The following PCLO variants were observed in gnomAD, a reference collection of about 807,000 sequenced individuals.
The protein encoded by PCLO is piccolo presynaptic cytomatrix protein.
A neutral mutation model predicts 427.5 loss-of-function variants in PCLO; 82 were observed. The ratio of observed to expected loss-of-function variants is 0.19; its 90% CI spans 0.16 to 0.23. The LOEUF (loss-of-function observed/expected upper bound fraction) is 0.23, where lower values mean the gene tolerates loss of function less well. PCLO is among the 10% of genes least tolerant of loss of function. The pLI, the probability that PCLO is intolerant of heterozygous loss-of-function variation, is 1.00. For missense variants in PCLO, 6,239 were observed against 6,115.9 expected (o/e 1.02, Z -0.67); for synonymous variants, 2,357 against 2,155.4 (o/e 1.09, Z -2.59).
In PCLO at chr7:83,155,570, C is replaced by A. The variant is rs759255403; in HGVS notation, c.1071G>T (p.Gly357=). 7.0e-5 allele frequency: 98 copies of A among 1,409,176 alleles called. No homozygotes were observed. The highest frequency in any genetic ancestry group is 2.0e-4 in the Middle Eastern group (1 of 5,042). The allele number at this position is 1,409,176 out of a possible 1,614,324, so 87.3% of individuals were successfully genotyped here. ...GAGGCTGAGCTGGAGGCTTTGTTGTCCCTGGTGGCTGGACTGGGGGTTTCA... is the reference window on the plus strand; with the variant it reads ...GAGGCTGAGCTGGAGGCTTTGTTGTACCTGGTGGCTGGACTGGGGGTTTCA... ...GTVKPPVQPP[G]TTKPPAQPLG... is the part of the protein sequence containing the mutation. The change falls in exon 2 of 25, where the codon GGG becomes GGT. Residue 357 remains glycine, a synonymous_variant. Coordinates refer to ENST00000333891, the MANE Select transcript of PCLO (RefSeq NM_033026.6).
intron 3 of PCLO, among the ~76,000 whole-genome samples, chr7:83,060,469 G>A (rs1476053697): frequency 6.6e-6 from 1 of 152,148 alleles, no homozygotes; most frequent in African/African-American, 2.4e-5. Context: ...TGCTCATAGG[G>A]CTGTCCCTCT....
intron 9 of PCLO, among the ~76,000 whole-genome samples, chr7:82,901,429 A>T (rs903071700): frequency 1.3e-5 from 2 of 152,022 alleles, no homozygotes; most frequent in African/African-American, 4.8e-5. Flanking sequence ...TTAATTCAAG[A>T]TGGATTAAAG....
intron 1 of PCLO, among the ~76,000 whole-genome samples, chr7:83,160,590 G>T (rs1258981682): frequency 6.6e-6 from 1 of 151,986 alleles, no homozygotes; most frequent in Admixed American, 6.6e-5. Context: ...CACCAATACT[G>T]TTTGGGCCAT....
chr7:83,084,527 G>A (rs1224871869), intron 3 of PCLO, among the ~76,000 whole-genome samples: 1 of 152,066 alleles, frequency 6.6e-6, no homozygotes, highest in Admixed American at 6.6e-5. Flanking sequence ...ATAATTAAAG[G>A]CTAGATTCTA....
intron 2 of PCLO, 150 bp downstream of exon 2, chr7:83,154,598 T>A (rs1792218866): frequency 1.5e-6 from 1 of 646,400 alleles, no homozygotes; most frequent in Non-Finnish European, 2.6e-6. Flanking sequence ...TAAAAAAAAA[T>A]TACAACTGGC....
At position 82,931,446 on chromosome 7, in the gene PCLO, C is replaced by T. The variant is rs189521300; in HGVS notation, c.11113-14573G>A. Among the ~76,000 whole-genome samples, 324 of 152,180 alleles carry T rather than the reference C, an allele frequency of 2.1e-3. 3 individuals carry two copies. The highest frequency in any genetic ancestry group is 7.6e-3 in the African/African-American group (316 of 41,536). On this transcript the variant is annotated intron_variant, in intron 6 of 24. Coordinates refer to ENST00000333891, the MANE Select transcript of PCLO (RefSeq NM_033026.6). ...ATTTTCTGTGGGTCAGCAATCTGGG[C>T]ATGGTTTAGTTGTGTCCTCTTGCTC... is the stretch of plus-strand genomic sequence containing the variant.
rs1790867308 is a variant in PCLO, at chr7:82,781,318, C to T, written c.15008-19825G>A. The stretch of plus-strand genomic sequence containing the variant: ...TATTTCTTCTAAAAATAACCAACAA[C>T]CCCCTCCAGCCCCCCAAAAAAACCC... On this transcript the variant is annotated intron_variant, in intron 22 of 24. Coordinates refer to ENST00000333891, the MANE Select transcript of PCLO (RefSeq NM_033026.6). Among the ~76,000 whole-genome samples the T allele has an allele frequency of 2.0e-5, 3 of 151,674 alleles. No homozygotes were observed. In the South Asian group the frequency reaches 6.3e-4, roughly 32 times the overall value.
chr7:82,926,223 T>C (rs574181450), intron 6 of PCLO, among the ~76,000 whole-genome samples: 1 of 152,306 alleles, frequency 6.6e-6, no homozygotes, highest in Admixed American at 6.5e-5. Context: ...AATAGTTTAA[T>C]AATTGTTTCT....
At chr7:82,775,473 T>G (rs1250921874) in intron 22 of PCLO, among the ~76,000 whole-genome samples, 1 of 152,190 alleles carries the variant, frequency 6.6e-6, no homozygotes, top group East Asian at 1.9e-4. Context: ...TAATTTGCAT[T>G]TCCTTGATGG....
At chr7:83,020,765 T>C (rs1267594651) in intron 3 of PCLO, among the ~76,000 whole-genome samples, 1 of 152,068 alleles carries the variant, frequency 6.6e-6, no homozygotes, top group African/African-American at 2.4e-5. Context: ...AGTGAAGTGG[T>C]CCCTATAAAT....
In PCLO at chr7:82,827,947, T is replaced by C; in HGVS notation, c.14269A>G (p.Thr4757Ala). 1 of 1,598,650 alleles carries C rather than the reference T, an allele frequency of 6.3e-7. No individual in the cohort carries two copies. The highest frequency in any genetic ancestry group is 8.6e-7 in the Non-Finnish European group (1 of 1,167,254). Residue 4757 changes from threonine to alanine, a missense_variant, in exon 17 of 25, where the codon ACT becomes GCT. Coordinates refer to ENST00000333891, the MANE Select transcript of PCLO (RefSeq NM_033026.6). ...TTAAGACTTTTCTGGACATGTTTAG[T>C]CCTTCTCTTGTACTCAGCACTGAAT... is the stretch of plus-strand genomic sequence containing the variant. ...QNASAEYKRR[T>A]KHVQKSLNPE...
At chr7:82,885,787 T>C (rs1175997592) in intron 9 of PCLO, among the ~76,000 whole-genome samples, 3 of 140,526 alleles carry the variant, frequency 2.1e-5, no homozygotes, top group African/African-American at 8.8e-5. Flanking sequence ...AAAGAGCAAA[T>C]GGAAAAAAAA....
intron 3 of PCLO, among the ~76,000 whole-genome samples, chr7:83,094,865 GATA>G (rs758728795): frequency 5.3e-5 from 8 of 152,084 alleles, no homozygotes; most frequent in Non-Finnish European, 1.5e-5. Context: ...AATTCTATCT[GATA>G]ATATTTCTAA....
At chr7:83,078,519 C>CATTATTATTATTATTATTATTATT (rs143405758) in intron 3 of PCLO, among the ~76,000 whole-genome samples, 4,057 of 150,318 alleles carry the variant, frequency 0.027, 172 homozygotes, top group African/African-American at 0.091. Context: ...ATGTTGCTAG[C>CATTATTATTATTATTATTATTATT]ATTATTATTA....
chr7:82,767,781 G>A (rs1021770725), intron 22 of PCLO, among the ~76,000 whole-genome samples: 6 of 152,108 alleles, frequency 3.9e-5, no homozygotes, highest in Admixed American at 6.5e-5. Context: ...AAATATTGAT[G>A]AGTTGATACA....
At chr7:82,889,349 T>C (rs1464172574) in intron 9 of PCLO, among the ~76,000 whole-genome samples, 2 of 152,080 alleles carry the variant, frequency 1.3e-5, no homozygotes, top group African/African-American at 4.8e-5. Context: ...TAGGAGACAA[T>C]TAAATTATAA....
intron 3 of PCLO, among the ~76,000 whole-genome samples, chr7:83,100,459 G>A (rs1273322884): frequency 6.6e-6 from 1 of 152,168 alleles, no homozygotes; most frequent in East Asian, 1.9e-4. Context: ...TATACATCAT[G>A]GAATACTATG....
rs376728722 is a variant in PCLO at position 83,135,465 on chromosome 7, G to A, written c.2085C>T (p.Ser695=). ...KKDAAPKQDL[S]KAPEPKKPPP... The stretch of plus-strand genomic sequence containing the variant: ...GTGGCTTTTTAGGCTCAGGTGCCTT[G>A]GAGAGATCCTGTTTTGGTGCAGCAT... The change falls in exon 3 of 25, where the codon TCC becomes TCT. Residue 695 remains serine (S), a synonymous_variant. Coordinates refer to ENST00000333891, the MANE Select transcript of PCLO (RefSeq NM_033026.6). 2.9e-5 allele frequency: 46 copies of A among 1,613,618 alleles called. No homozygotes were observed. The African/African-American group carries it at 6.0e-4, about 21-fold the overall frequency.
intron 2 of PCLO, among the ~76,000 whole-genome samples, chr7:83,142,388 T>C (rs1481665891): frequency 6.6e-6 from 1 of 152,188 alleles, no homozygotes; most frequent in Admixed American, 6.5e-5. Context: ...ATTTACTCCA[T>C]CAAAGCAGTA....
Sources: gnomAD v4.1 joint callset for allele counts (sites outside exome capture counted in the v4.1 genomes callset) on GRCh38, gnomAD v4.1.1 for gene constraint, MANE v1.5 for transcripts, NCBI Gene and HGNC (gene_info 2026-07-23, HGNC 2026-07-21) for gene names.